TRIP12: variants seen among roughly 807,000 people sequenced by gnomAD.
TRIP12 encodes the protein thyroid hormone receptor interactor 12.
In TRIP12, 25 loss-of-function variants were observed where a neutral mutation model predicts 244.2. The ratio of observed to expected loss-of-function variants is 0.10; its 90% confidence interval spans 0.07 to 0.14. TRIP12 has a LOEUF of 0.14. Ranked by LOEUF, TRIP12 falls within the 10% of genes least tolerant of loss-of-function variation. The pLI is 1.00. For synonymous variants in TRIP12, 905 were observed against 873.1 expected (o/e 1.04, Z -0.64); for missense variants, 1,677 against 2,486.4 (o/e 0.67, Z 6.92).
intron 4 of TRIP12, among the ~76,000 whole-genome samples, chr2:229,855,505 A>G (rs958451243): frequency 2.0e-5 from 3 of 151,974 alleles, no homozygotes; most frequent in South Asian, 2.1e-4. Flanking sequence ...AATACTATCA[A>G]TGAAGGACCA....
At chr2:229,806,181 C>T (rs1302425003) in intron 17 of TRIP12, 1 of 227,480 alleles carries the variant, frequency 4.4e-6, no homozygotes, top group African/African-American at 2.2e-5. Context: ...ACAAAGAAGA[C>T]ACCATTTGTA....
intron 29 of TRIP12, among the ~76,000 whole-genome samples, chr2:229,791,513 T>C (rs2041523071): frequency 6.6e-6 from 1 of 152,170 alleles, no homozygotes; most frequent in South Asian, 2.1e-4. Flanking sequence ...TCACAGACAA[T>C]GCAGGAAGCT....
intron 4 of TRIP12, among the ~76,000 whole-genome samples, chr2:229,849,769 A>G (rs2058291777): frequency 6.6e-6 from 1 of 151,962 alleles, no homozygotes; most frequent in South Asian, 2.1e-4. Flanking sequence ...GCTACCCGGG[A>G]TGCTGAGGTG....
intron 8 of TRIP12, among the ~76,000 whole-genome samples, chr2:229,826,753 TA>T (rs961880428): frequency 9.2e-4 from 140 of 152,286 alleles, no homozygotes; most frequent in African/African-American, 3.3e-3. Context: ...TGCGTATTTG[TA>T]TATGTTAATA....
chr2:229,905,431 A>G (rs2072464817), intron 1 of TRIP12, among the ~76,000 whole-genome samples: 1 of 152,248 alleles, frequency 6.6e-6, no homozygotes, highest in African/African-American at 2.4e-5. Flanking sequence ...GTTATACACA[A>G]TAATGAATAC....
At chr2:229,781,915 G>C (rs2038299721) in intron 34 of TRIP12, among the ~76,000 whole-genome samples, 1 of 152,128 alleles carries the variant, frequency 6.6e-6, no homozygotes, top group African/African-American at 2.4e-5. Flanking sequence ...ACCCATGAAG[G>C]AAGGGCATAA....
chr2:229,787,700 G>C (rs2040426670), intron 32 of TRIP12, 39 bp from the exon 33 acceptor site: 1 of 1,469,668 alleles, frequency 6.8e-7, no homozygotes, highest in Admixed American at 2.4e-5. Flanking sequence ...ATCTGGATGA[G>C]AATCAGAAAC....
At chr2:229,815,830 AG>A (rs1160404392) in intron 9 of TRIP12, among the ~76,000 whole-genome samples, 2 of 152,212 alleles carry the variant, frequency 1.3e-5, no homozygotes, top group African/African-American at 4.8e-5. Context: ...AACATAAGAT[AG>A]ATCACATCAG....
At chr2:229,868,346 C>A (rs949668336) in intron 2 of TRIP12, among the ~76,000 whole-genome samples, 1 of 152,104 alleles carries the variant, frequency 6.6e-6, no homozygotes, top group African/African-American at 2.4e-5. Flanking sequence ...GGACTACAGA[C>A]ACTTACGACC....
intron 26 of TRIP12, among the ~76,000 whole-genome samples, chr2:229,794,464 G>A (rs865792507): frequency 6.6e-6 from 1 of 152,120 alleles, no homozygotes; most frequent in African/African-American, 2.4e-5. Context: ...CTACGTGGCA[G>A]GCTGAGGCAG....
intron 34 of TRIP12, among the ~76,000 whole-genome samples, chr2:229,783,247 G>A (rs373217888): frequency 2.0e-5 from 3 of 152,204 alleles, no homozygotes; most frequent in Non-Finnish European, 4.4e-5. Context: ...TGACTATAAA[G>A]GTTCACTGGA....
intron 2 of TRIP12, among the ~76,000 whole-genome samples, chr2:229,864,304 C>T (rs1351364011): frequency 1.3e-5 from 2 of 152,170 alleles, no homozygotes; most frequent in African/African-American, 4.8e-5. Context: ...ATAAAATTTG[C>T]ACCAATAAAT....
intron 2 of TRIP12, among the ~76,000 whole-genome samples, chr2:229,873,904 ACAGATTCTAGT>A (rs1325521683): frequency 1.3e-5 from 2 of 152,164 alleles, no homozygotes; most frequent in East Asian, 3.8e-4. Flanking sequence ...AAAACTTCAG[ACAGATTCTAGT>A]CAGATGTAAA....
intron 1 of TRIP12, among the ~76,000 whole-genome samples, chr2:229,906,704 G>A (rs1338418634): frequency 4.7e-5 from 7 of 148,274 alleles, no homozygotes; most frequent in African/African-American, 7.5e-5. Flanking sequence ...TGGGCAACAC[G>A]GTAAGACTCC....
At chr2:229,830,924 C>A in intron 6 of TRIP12, 85 bp from the exon 7 acceptor site, 2 of 1,203,872 alleles carry the variant, frequency 1.7e-6, no homozygotes, top group Non-Finnish European at 1.2e-6. Flanking sequence ...CAAAGTTTTG[C>A]GGACTACAAT....
chr2:229,886,598 C>G (rs934660888), intron 1 of TRIP12, among the ~76,000 whole-genome samples: 1 of 151,954 alleles, frequency 6.6e-6, no homozygotes, highest in African/African-American at 2.4e-5. Context: ...TCCCGGGTAG[C>G]TGGGACTACA....
At position 229,799,502 on chromosome 2, in the gene TRIP12, C is replaced by T. The variant is rs2043676476; in HGVS notation, c.3207-119G>A. 11 of 884,486 alleles carry T rather than the reference C, an allele frequency of 1.2e-5. No homozygotes were observed. In the East Asian group the frequency reaches 2.1e-4, roughly 17 times the overall value. 54.8% of individuals were successfully genotyped at this position (884,486 alleles called of 1,614,324 possible). A position where few individuals can be genotyped will look rare whatever the true frequency, so the allele number is the denominator to read the frequency against. On this transcript the variant is annotated intron_variant, in intron 21 of 41. Coordinates refer to ENST00000675903, the MANE Select transcript of TRIP12 (RefSeq NM_001348323.3). ...AGTAATAAAATACTGTCAGGCCGGG[C>T]GCGGTGGCTCACGCCTGTAATCCCA...
chr2:229,890,034 C>A (rs1553751097), intron 1 of TRIP12, among the ~76,000 whole-genome samples: 1 of 151,438 alleles, frequency 6.6e-6, no homozygotes, highest in Non-Finnish European at 1.5e-5. Context: ...ATATTCTTGT[C>A]ACTATTGTGA....
intron 2 of TRIP12, among the ~76,000 whole-genome samples, chr2:229,871,681 T>G (rs2062628912): frequency 6.6e-6 from 1 of 152,186 alleles, no homozygotes; most frequent in South Asian, 2.1e-4. Flanking sequence ...CTTTATAAAT[T>G]ACCCAGTCTC....
Sources: gnomAD v4.1 joint callset for allele counts (sites outside exome capture counted in the v4.1 genomes callset) on GRCh38, gnomAD v4.1.1 for gene constraint, MANE v1.5 for transcripts, NCBI Gene and HGNC (gene_info 2026-07-23, HGNC 2026-07-21) for gene names.